Variants in MYH15 observed in about 807,000 individuals in gnomAD.
The protein encoded by MYH15 is myosin heavy chain 15, also known as myosin-15.
Under a neutral mutation model 240.5 loss-of-function variants are expected in MYH15, and 227 were observed. The ratio of observed to expected loss-of-function variants is 0.94; its 90% CI spans 0.85 to 1.05. The LOEUF (loss-of-function observed/expected upper bound fraction) is 1.05. Ranked by LOEUF, MYH15 falls within the 50% of genes least tolerant of loss-of-function variation. MYH15 has a pLI of 0.00. For synonymous variants in MYH15, 785 were observed against 796.7 expected, an observed-to-expected ratio of 0.99 and a Z score of 0.25; for missense variants, 2,217 against 2,247.5, an observed-to-expected ratio of 0.99 and a Z score of 0.27.
At chr3:108,392,396 G>A (rs548263259) in intron 36 of MYH15, among the ~76,000 whole-genome samples, 1 of 152,314 alleles carries the variant, frequency 6.6e-6, no homozygotes, top group African/African-American at 2.4e-5. Context: ...TTTGGCTCCA[G>A]GAATTTGGCA....
chr3:108,526,132 C>T (rs2107274075), intron 1 of MYH15, among the ~76,000 whole-genome samples: 1 of 152,132 alleles, frequency 6.6e-6, no homozygotes, highest in East Asian at 1.9e-4. Context: ...CTCAAATGTG[C>T]CAAATGGGCC....
intron 5 of MYH15, among the ~76,000 whole-genome samples, chr3:108,498,810 C>T (rs564896843): frequency 4.5e-4 from 68 of 152,258 alleles, no homozygotes; most frequent in African/African-American, 1.6e-3. Flanking sequence ...AATGGAGAGC[C>T]CAATGTACAA....
intron 12 of MYH15, among the ~76,000 whole-genome samples, chr3:108,474,891 T>C (rs2083207603): frequency 6.6e-6 from 1 of 152,196 alleles, no homozygotes; most frequent in Non-Finnish European, 1.5e-5. Context: ...GGCATTGTTT[T>C]AGATGCTTGG....
At chr3:108,540,149 T>A in the MYH15 span, among the ~76,000 whole-genome samples, 1 of 152,212 alleles carries the variant, frequency 6.6e-6, no homozygotes, top group Non-Finnish European at 1.5e-5. Context: ...TATTTAGTTA[T>A]ATATTGACCA....
intron 37 of MYH15, among the ~76,000 whole-genome samples, chr3:108,390,686 A>G (rs150715033): frequency 0.012 from 1,762 of 152,300 alleles, 30 homozygotes; most frequent in African/African-American, 0.034. Flanking sequence ...ACTGAGAATA[A>G]TTCTTACTTG....
At chr3:108,408,167 A>T in intron 32 of MYH15, 113 bp downstream of exon 32, 1 of 1,211,438 alleles carries the variant, frequency 8.3e-7, no homozygotes, top group Non-Finnish European at 1.1e-6. Context: ...TGCCTAGCAT[A>T]TAGTAAATAA....
chr3:108,489,480 C>A (rs2083330467), intron 9 of MYH15, among the ~76,000 whole-genome samples: 1 of 152,078 alleles, frequency 6.6e-6, no homozygotes, highest in Admixed American at 6.6e-5. Context: ...GAGCCCTGTC[C>A]AAAAGAACTG....
At position 108,381,358 on chromosome 3, in the gene MYH15, A is replaced by G; in HGVS notation, c.*187T>C. 1 of 654,440 alleles carries G rather than the reference A, an allele frequency of 1.5e-6. No homozygotes were observed. Among genetic ancestry groups the G allele is most frequent in the Non-Finnish European group, 2.7e-6 (1 of 374,668 alleles). The allele number at this position is 654,440 out of a possible 1,614,324, so 40.5% of individuals were successfully genotyped here. On this transcript the variant is annotated 3_prime_UTR_variant, in exon 41 of 41. Transcript: ENST00000693548. ...TAGTTTACTTGCATTTGAGGATCAAAAAATCCCCATTAACTGTGGAAGCAA... is the reference window on the plus strand; with the variant it reads ...TAGTTTACTTGCATTTGAGGATCAAGAAATCCCCATTAACTGTGGAAGCAA...
At chr3:108,494,080 G>T (rs2083373724) in intron 7 of MYH15, among the ~76,000 whole-genome samples, 1 of 152,212 alleles carries the variant, frequency 6.6e-6, no homozygotes, top group South Asian at 2.1e-4. Context: ...GGATCAGGAT[G>T]CTGGAACAGG....
In MYH15 at chr3:108,481,746, G is replaced by A. The variant is rs147753345; in HGVS notation, c.1114+3345C>T. 5.1e-4 allele frequency among the ~76,000 whole-genome samples: 77 copies of A among 152,322 alleles called. No individual in the cohort carries two copies. In the East Asian group the frequency reaches 0.013, roughly 26 times the overall value. On this transcript the variant is annotated intron_variant, in intron 11 of 40. Coordinates refer to ENST00000693548, the MANE Select transcript of MYH15 (RefSeq NM_014981.3). ...TTCGCTACTAACGGTAGGGATTAGAGAGAGACAGAGAAGTATTGGTTGGTG... is the reference window on the plus strand; with the variant it reads ...TTCGCTACTAACGGTAGGGATTAGAAAGAGACAGAGAAGTATTGGTTGGTG...
intron 12 of MYH15, among the ~76,000 whole-genome samples, chr3:108,473,289 G>A (rs769064174): frequency 1.2e-3 from 186 of 152,316 alleles, no homozygotes; most frequent in Non-Finnish European, 2.4e-3. Context: ...AATTATGGGC[G>A]TGAGCCACCG....
chr3:108,501,033 G>GT (rs1370341438), intron 3 of MYH15, among the ~76,000 whole-genome samples: 2 of 152,186 alleles, frequency 1.3e-5, no homozygotes, highest in African/African-American at 4.8e-5. Flanking sequence ...CTCCAGCATT[G>GT]TAAGAGAATA....
intron 1 of MYH15, among the ~76,000 whole-genome samples, chr3:108,523,088 C>T (rs1309753217): frequency 6.6e-6 from 1 of 151,980 alleles, no homozygotes; most frequent in Non-Finnish European, 1.5e-5. Flanking sequence ...AGATCATATG[C>T]TTCTGAGAAG....
At chr3:108,452,976 T>A (rs923315471) in intron 21 of MYH15, among the ~76,000 whole-genome samples, 5 of 152,102 alleles carry the variant, frequency 3.3e-5, no homozygotes, top group African/African-American at 1.2e-4. Context: ...TTAATAATAA[T>A]AATGTTAAGA....
chr3:108,444,003 T>TG (rs56272197), intron 22 of MYH15, among the ~76,000 whole-genome samples: 58,872 of 74,162 alleles, frequency 0.79, 22,515 homozygotes, highest in African/African-American at 0.84. Flanking sequence ...TGTTGTGGGG[T>TG]GGGGGAGGGG....
At chr3:108,459,304 A>G (rs2083051035) in intron 18 of MYH15, 58 bp downstream of exon 18, 1 of 1,070,682 alleles carries the variant, frequency 9.3e-7, no homozygotes. Flanking sequence ...AAGATATTCA[A>G]TATAGCTAAT....
chr3:108,512,459 T>C (rs2083528820), upstream of MYH15, among the ~76,000 whole-genome samples: 1 of 152,164 alleles, frequency 6.6e-6, no homozygotes, highest in Non-Finnish European at 1.5e-5. Context: ...CCTCTCTGTA[T>C]GTGTGACTTC....
chr3:108,544,807 T>C, the MYH15 span, among the ~76,000 whole-genome samples: 3 of 152,144 alleles, frequency 2.0e-5, no homozygotes, highest in Non-Finnish European at 4.4e-5. Flanking sequence ...TACTTTAAGG[T>C]AGATAACACT....
At chr3:108,414,497 A>G in intron 29 of MYH15, 69 bp from the exon 30 acceptor site, 2 of 1,419,814 alleles carry the variant, frequency 1.4e-6, no homozygotes. Flanking sequence ...AAAGTAAGCT[A>G]ATTTTTTTTT....
Sources: gnomAD v4.1 joint callset for allele counts (sites outside exome capture counted in the v4.1 genomes callset) on GRCh38, gnomAD v4.1.1 for gene constraint, MANE v1.5 for transcripts, NCBI Gene and HGNC (gene_info 2026-07-23, HGNC 2026-07-21) for gene names.